MTCL1: variants seen among roughly 807,000 people sequenced by gnomAD.
MTCL1 encodes microtubule cross-linking factor 1.
A neutral mutation model predicts 141.4 loss-of-function variants in MTCL1; 79 were observed. The ratio of observed to expected loss-of-function variants is 0.56; its 90% CI spans 0.47 to 0.67. The LOEUF (loss-of-function observed/expected upper bound fraction) is 0.67. MTCL1 is among the 30% of genes least tolerant of loss of function. The pLI, the probability that MTCL1 is intolerant of heterozygous loss-of-function variation, is 0.00. For missense variants in MTCL1, 2,177 were observed against 2,113.9 expected (o/e 1.03, Z -0.59); for synonymous variants, 914 against 875.8 (o/e 1.04, Z -0.77).
chr18:8,801,312 CTT>C (rs34443749), intron 10 of MTCL1, among the ~76,000 whole-genome samples: 2 of 143,262 alleles, frequency 1.4e-5, no homozygotes, highest in Non-Finnish European at 3.0e-5. Flanking sequence ...ATCTGCCTGA[CTT>C]TTTTTTTTTT....
chr18:8,774,402 A>G lies in MTCL1; in HGVS notation c.358-3431A>G, dbSNP rs376157656. On this transcript the variant is annotated intron_variant, in intron 4 of 16. Coordinates refer to ENST00000359865, the Ensembl canonical transcript of MTCL1. ...AAGCATTATTTTATGCTGATCTTCA[A>G]TGTTCTATGGTTTCTTTTATACAGG... Among the ~76,000 whole-genome samples the G allele has an allele frequency of 8.7e-4, 133 of 152,226 alleles. 1 individual carries two copies. Among genetic ancestry groups the G allele is most frequent in the African/African-American group, 2.1e-3 (89 of 41,532 alleles).
rs1384777679 is a variant in MTCL1 at position 8,797,124 on chromosome 18, C to T, written c.2241+662C>T. The stretch of plus-strand genomic sequence containing the variant: ...AGTTCCGCTCCCGTCTCCTTTGCTG[C>T]TCATTTATAAAATTCATTGACGTTA... On this transcript the variant is annotated intron_variant, in intron 9 of 16. Transcript: ENST00000359865. 2.0e-5 allele frequency among the ~76,000 whole-genome samples: 3 copies of T among 152,338 alleles called. No homozygotes were observed. In the East Asian group the frequency reaches 5.8e-4, roughly 29 times the overall value.
intron 13 of MTCL1, among the ~76,000 whole-genome samples, 197 bp from the exon 13 acceptor site, chr18:8,821,270 T>A (rs2076837370): frequency 6.6e-6 from 1 of 152,200 alleles, no homozygotes; most frequent in Admixed American, 6.5e-5. Flanking sequence ...CAGCCCCTCA[T>A]CATGCTGTGG....
At chr18:8,825,109 G>A (rs745896220) in exon 15 of MTCL1, 35 of 1,602,304 alleles carry the variant, frequency 2.2e-5, no homozygotes, top group South Asian at 1.2e-4. Context: ...CCTGCCGTGC[G>A]CAGGGTCGAC....
chr18:8,706,106 G>T (rs1051244659), exon 1 of MTCL1: 2 of 1,209,682 alleles, frequency 1.7e-6, no homozygotes, highest in Non-Finnish European at 2.1e-6. Context: ...AAGCCTCCCG[G>T]AGCCGAGCCG....
exon 15 of MTCL1, chr18:8,825,878 G>A: frequency 6.2e-7 from 1 of 1,614,070 alleles, no homozygotes; most frequent in South Asian, 1.1e-5. Context: ...GCCCCGTGGT[G>A]CAGGACCCCT....
Position 8,705,955 on chromosome 18 carries a change from C to T in MTCL1, c.295C>T (p.Arg99Trp), listed in dbSNP as rs1220448899. 1.8e-6 allele frequency: 2 copies of T among 1,110,986 alleles called. No homozygotes were observed. The highest frequency in any genetic ancestry group is 2.2e-6 in the Non-Finnish European group (2 of 913,036). The allele number at this position is 1,110,986 out of a possible 1,614,324, so 68.8% of individuals were successfully genotyped here. The change falls in exon 1 of 14, where the codon CGG becomes TGG. Residue 99 changes from arginine (R) to tryptophan (W), a missense_variant. Transcript: ENST00000306329. This position sits in a 1 kb window ranked among gnomAD's most constrained non-coding sequence, Gnocchi z 5.2. ...CCTGGCCGCGCCCGGCCGCCTCTCT[C>T]GGCGCAGTGGCGGCGTCCCGGGCGC...
intron 4 of MTCL1, among the ~76,000 whole-genome samples, chr18:8,766,796 C>T (rs2096461911): frequency 6.6e-6 from 1 of 152,164 alleles, no homozygotes; most frequent in African/African-American, 2.4e-5. Flanking sequence ...GCTGGGACTT[C>T]CCTCCCTCTG....
At chr18:8,718,293 C>G in intron 2 of MTCL1, 131 bp from the exon 2 acceptor site, 1 of 833,680 alleles carries the variant, frequency 1.2e-6, no homozygotes, top group Non-Finnish European at 1.9e-6. Flanking sequence ...GTCACCCAGG[C>G]GTGGCCATGA....
At chr18:8,749,985 T>A (rs947924115) in intron 4 of MTCL1, among the ~76,000 whole-genome samples, 5 of 152,204 alleles carry the variant, frequency 3.3e-5, no homozygotes, top group Non-Finnish European at 7.4e-5. Flanking sequence ...CCATAGGGAA[T>A]ATTAAAGTTG....
At chr18:8,826,279 T>C in intron 15 of MTCL1, 47 bp downstream of exon 14, 1 of 1,455,086 alleles carries the variant, frequency 6.9e-7, no homozygotes, top group Non-Finnish European at 9.2e-7. Context: ...AGCTCTTCCC[T>C]TTAGCTGTGG....
chr18:8,748,350 C>G (rs2096352047), intron 4 of MTCL1, among the ~76,000 whole-genome samples: 1 of 152,114 alleles, frequency 6.6e-6, no homozygotes, highest in South Asian at 2.1e-4. Context: ...TGGAGACCAG[C>G]CTGGACAACA....
intron 7 of MTCL1, 120 bp from the exon 7 acceptor site, chr18:8,792,878 G>T: frequency 7.2e-7 from 1 of 1,381,146 alleles, no homozygotes; most frequent in Non-Finnish European, 9.9e-7. Context: ...CTGCTGCAGT[G>T]CCCACACATG....
chr18:8,796,283 A>T (rs758726355), exon 9 of MTCL1: 1 of 1,614,206 alleles, frequency 6.2e-7, no homozygotes, highest in Admixed American at 1.7e-5. Context: ...GGAAATGCAC[A>T]GCCTGGCTTT....
exon 12 of MTCL1, chr18:8,813,131 G>A: frequency 1.2e-6 from 2 of 1,614,212 alleles, no homozygotes; most frequent in Non-Finnish European, 1.7e-6. Context: ...ATCACAGCGA[G>A]AAGAACTGGA....
chr18:8,751,156 ATATT>A (rs1208495309), intron 4 of MTCL1, among the ~76,000 whole-genome samples: 13 of 152,168 alleles, frequency 8.5e-5, no homozygotes, highest in Non-Finnish European at 1.9e-4. Flanking sequence ...TGAGAACAAA[ATATT>A]TATGCAAAAA....
chr18:8,758,610 A>G (rs369384466), intron 4 of MTCL1, among the ~76,000 whole-genome samples: 1 of 152,174 alleles, frequency 6.6e-6, no homozygotes, highest in East Asian at 1.9e-4. Flanking sequence ...TGATAAATCT[A>G]ACATAGCCTG....
chr18:8,748,777 C>T (rs16954068), intron 4 of MTCL1, among the ~76,000 whole-genome samples: 4,959 of 152,020 alleles, frequency 0.033, 122 homozygotes, highest in South Asian at 0.076. Flanking sequence ...TTCTGTCTTT[C>T]GGGATGAAGT....
intron 4 of MTCL1, among the ~76,000 whole-genome samples, chr18:8,764,663 G>A (rs1598551635): frequency 6.6e-6 from 1 of 152,054 alleles, no homozygotes; most frequent in African/African-American, 2.4e-5. Context: ...GAGACCACAG[G>A]CTGGCTCGAT....
Sources: gnomAD v4.1 joint callset for allele counts (sites outside exome capture counted in the v4.1 genomes callset) on GRCh38, gnomAD v4.1.1 for gene constraint, Gnocchi (gnomAD v3.1) non-coding constraint, MANE v1.5 for transcripts, NCBI Gene and HGNC (gene_info 2026-07-23, HGNC 2026-07-21) for gene names.